The following PTPRJ variants were observed in gnomAD, a reference collection of about 807,000 sequenced individuals.
PTPRJ encodes receptor-type tyrosine-protein phosphatase eta.
PTPRJ carries 129 observed loss-of-function variants against 141.3 expected under a neutral mutation model. The ratio of observed to expected loss-of-function variants is 0.91; its 90% CI spans 0.79 to 1.06. PTPRJ has a LOEUF of 1.06. Ranked by LOEUF, PTPRJ falls within the 50% of genes least tolerant of loss-of-function variation. The pLI is 0.00. For missense variants in PTPRJ, 1,601 were observed against 1,679.7 expected (o/e 0.95, Z 0.82); for synonymous variants, 610 against 640.5 (o/e 0.95, Z 0.72).
At chr11:48,110,136 C>T in intron 2 of PTPRJ, 60 bp downstream of exon 2, 1 of 1,513,668 alleles carries the variant, frequency 6.6e-7, no homozygotes, top group Non-Finnish European at 9.1e-7. Context: ...AATGGACACA[C>T]AGCAACATTA....
chr11:48,028,022 A>G (rs897506748), intron 1 of PTPRJ, among the ~76,000 whole-genome samples: 2 of 152,128 alleles, frequency 1.3e-5, no homozygotes, highest in Non-Finnish European at 2.9e-5. Context: ...AGTGAAAGAA[A>G]AAGGCATCCA....
chr11:48,130,826 A>G (rs1856959705), intron 8 of PTPRJ, 110 bp downstream of exon 8: 1 of 1,245,284 alleles, frequency 8.0e-7, no homozygotes, highest in South Asian at 1.9e-5. Context: ...ATCTAAGAAA[A>G]AACTTTAAAA....
intron 1 of PTPRJ, among the ~76,000 whole-genome samples, chr11:48,008,915 CAAAT>C (rs968311305): frequency 1.3e-5 from 2 of 152,122 alleles, no homozygotes; most frequent in African/African-American, 4.8e-5. Flanking sequence ...ACCCAGTAAA[CAAAT>C]GAATTATTGT....
Position 48,168,060 on chromosome 11 carries a change from T to C in PTPRJ, c.*698T>C, listed in dbSNP as rs990681183. 1 of 152,134 alleles carries C rather than the reference T, an allele frequency of 6.6e-6. No homozygotes were observed. The highest frequency in any genetic ancestry group is 1.5e-5 in the Non-Finnish European group (1 of 68,016). 9.4% of individuals were successfully genotyped at this position (152,134 alleles called of 1,614,324 possible). ...GAGGCCTCTTTGCCCCGACTCCGCTTCCCCTGCCCCCTGTACATTTGTGCT... is the reference window on the plus strand; with the variant it reads ...GAGGCCTCTTTGCCCCGACTCCGCTCCCCCTGCCCCCTGTACATTTGTGCT... On this transcript the variant is annotated 3_prime_UTR_variant, in exon 25 of 25. Coordinates refer to ENST00000418331, the MANE Select transcript of PTPRJ (RefSeq NM_002843.4).
At chr11:48,124,818 C>G (rs1046862320) in intron 5 of PTPRJ, 150 bp from the exon 6 acceptor site, 1 of 730,154 alleles carries the variant, frequency 1.4e-6, no homozygotes. Flanking sequence ...GGCTGCCTCT[C>G]TCTCTGGAGG....
At chr11:48,128,589 T>A (rs1856898072) in intron 7 of PTPRJ, among the ~76,000 whole-genome samples, 1 of 152,240 alleles carries the variant, frequency 6.6e-6, no homozygotes, top group African/African-American at 2.4e-5. Context: ...GCACTAGTAG[T>A]ACAGTGGTAT....
chr11:48,022,289 AC>A (rs759625005), intron 1 of PTPRJ, among the ~76,000 whole-genome samples: 1 of 151,862 alleles, frequency 6.6e-6, no homozygotes, highest in Non-Finnish European at 1.5e-5. Context: ...ACATGGAGAA[AC>A]CCCGTCTCTA....
chr11:48,158,863 G>A lies in PTPRJ; in HGVS notation c.3439-1067G>A, dbSNP rs554174004. On this transcript the variant is annotated intron_variant, in intron 21 of 24. Transcript: ENST00000418331. This position sits in a 1 kb window ranked among gnomAD's most constrained non-coding sequence, Gnocchi z 4.4. The stretch of plus-strand genomic sequence containing the variant: ...ACTCCTCTGGAAGCTGAGGTGGGAG[G>A]ATCACTTGAGCCTGAGAGGTTGAGG... Among the ~76,000 whole-genome samples, 4 of 152,126 alleles carry A rather than the reference G, an allele frequency of 2.6e-5. 1 individual carries two copies. The highest frequency in any genetic ancestry group is 2.6e-4 in the Admixed American group (4 of 15,282).
intron 10 of PTPRJ, 127 bp downstream of exon 10, chr11:48,137,408 AGGCATCCTGTTAGCTTATCGG>A (rs1857130376): frequency 9.8e-7 from 1 of 1,023,940 alleles, no homozygotes; most frequent in African/African-American, 1.6e-5. Context: ...GAGCTTTCCG[AGGCATCCTGTTAGCTTATCGG>A]TGCTGTCTCG....
intron 8 of PTPRJ, 40 bp from the exon 9 acceptor site, chr11:48,135,999 T>C (rs1280764942): frequency 6.3e-7 from 1 of 1,596,346 alleles, no homozygotes; most frequent in Non-Finnish European, 8.6e-7. Flanking sequence ...GGCGTCATGA[T>C]AGTAACAGTT....
chr11:48,006,141 C>G (rs185089585), intron 1 of PTPRJ, among the ~76,000 whole-genome samples: 14 of 152,288 alleles, frequency 9.2e-5, no homozygotes, highest in Non-Finnish European at 1.6e-4. Flanking sequence ...AACAAGACTT[C>G]GAGTTAGGAG....
intron 1 of PTPRJ, among the ~76,000 whole-genome samples, chr11:47,983,185 ATT>A (rs35373855): frequency 6.8e-6 from 1 of 147,512 alleles, no homozygotes; most frequent in Non-Finnish European, 1.5e-5. Context: ...TCAAAGTGCT[ATT>A]TTTTTTTTTC....
chr11:48,001,006 T>TTTTA (rs1475668692), intron 1 of PTPRJ, among the ~76,000 whole-genome samples: 14 of 127,058 alleles, frequency 1.1e-4, no homozygotes, highest in Non-Finnish European at 2.3e-4. Flanking sequence ...TTTTTTTTTT[T>TTTTA]AAATTTTGAG....
chr11:48,094,323 A>C (rs1317949504), intron 1 of PTPRJ, among the ~76,000 whole-genome samples: 3 of 152,184 alleles, frequency 2.0e-5, no homozygotes, highest in Non-Finnish European at 4.4e-5. Context: ...GGAGCTTCTT[A>C]TTATCTTTTT....
rs535154347 is a variant in PTPRJ at position 48,005,474 on chromosome 11, T to C, written c.96+24466T>C. 2.6e-5 allele frequency among the ~76,000 whole-genome samples: 4 copies of C among 152,368 alleles called. No homozygotes were observed. The South Asian group carries it at 8.3e-4, about 32-fold the overall frequency. Reference sequence around the variant, plus strand: ...TGTGTGTCCTTTTGATTCTGGCTATTTCGCCTAGCATAGTGTTTTCAAGGT... The same window carrying C: ...TGTGTGTCCTTTTGATTCTGGCTATCTCGCCTAGCATAGTGTTTTCAAGGT... On this transcript the variant is annotated intron_variant, in intron 1 of 24. Coordinates refer to ENST00000418331, the MANE Select transcript of PTPRJ (RefSeq NM_002843.4).
intron 1 of PTPRJ, among the ~76,000 whole-genome samples, chr11:48,035,538 C>A (rs145143476): frequency 4.9e-5 from 3 of 61,748 alleles, no homozygotes; most frequent in South Asian, 1.7e-3. Flanking sequence ...CTTTCTTCTT[C>A]TTTTTTTTTT....
At chr11:48,063,626 G>A (rs988481858) in intron 1 of PTPRJ, among the ~76,000 whole-genome samples, 6 of 152,188 alleles carry the variant, frequency 3.9e-5, no homozygotes, top group African/African-American at 1.2e-4. Context: ...AGAGGGAAGT[G>A]CACATTTTTA....
intron 8 of PTPRJ, chr11:48,132,732 C>G: frequency 1.0e-6 from 1 of 956,624 alleles, no homozygotes; most frequent in Non-Finnish European, 1.2e-6. Flanking sequence ...GGGACAGATT[C>G]CTTGAAACAC....
chr11:48,164,558 A>ATTTTTTTTTTTTTTTTTTTT (rs60806872), intron 24 of PTPRJ, 43 bp downstream of exon 24: 4 of 715,256 alleles, frequency 5.6e-6, no homozygotes, highest in Non-Finnish European at 3.5e-6. Context: ...CTTCCCCTCC[A>ATTTTTTTTTTTTTTTTTTTT]TTTTTTTTTT....
Sources: gnomAD v4.1 joint callset for allele counts (sites outside exome capture counted in the v4.1 genomes callset) on GRCh38, gnomAD v4.1.1 for gene constraint, Gnocchi (gnomAD v3.1) non-coding constraint, MANE v1.5 for transcripts, NCBI Gene and HGNC (gene_info 2026-07-23, HGNC 2026-07-21) for gene names.